The following TTN variants were observed in gnomAD, a reference collection of about 807,000 sequenced individuals.
TTN encodes the protein titin, also known as connectin.
TTN carries 1,525 observed loss-of-function variants against 3,223.0 expected under a neutral mutation model. The ratio of observed to expected loss-of-function variants is 0.47; its 90% CI spans 0.45 to 0.49. TTN has a LOEUF of 0.49. Ranked by LOEUF, TTN falls within the 20% of genes least tolerant of loss-of-function variation. The pLI, the probability that TTN is intolerant of heterozygous loss-of-function variation, is 0.00. For missense variants in TTN, 40,786 were observed against 43,424.0 expected (o/e 0.94, Z 5.40); for synonymous variants, 14,094 against 15,161.0 (o/e 0.93, Z 5.17).
At position 178,777,487 on chromosome 2, in the gene TTN, C is replaced by G; in HGVS notation, c.4578G>C (p.Gly1526=). The change falls in exon 26 of 363, where the codon GGG becomes GGC. Residue 1526 remains glycine, a synonymous_variant. Transcript: ENST00000589042. The part of the protein sequence containing the change: ...IIVPATPSDS[G]EWTVVAQNRA... ...TGTTTTGGGCAACCACAGTCCATTC[C>G]CCAGAATCACTGGGTGTGGCAGGGA... 2 of 1,613,898 alleles carry G rather than the reference C, an allele frequency of 1.2e-6. No homozygotes were observed. The highest frequency in any genetic ancestry group is 1.7e-6 in the Non-Finnish European group (2 of 1,179,942).
chr2:178,690,446 T>C (rs2072094766), intron 121 of TTN, among the ~76,000 whole-genome samples: 1 of 152,136 alleles, frequency 6.6e-6, no homozygotes, highest in Non-Finnish European at 1.5e-5. Flanking sequence ...CTGATACCCA[T>C]GTGTTAATGA....
chr2:178,629,199 G>A, intron 240 of TTN, 102 bp downstream of exon 240: 1 of 1,429,380 alleles, frequency 7.0e-7, no homozygotes, highest in Non-Finnish European at 9.3e-7. Flanking sequence ...GGCAAAGACA[G>A]AGGAAGAGAC....
Position 178,584,255 on chromosome 2 carries a change from T to C in TTN, c.65275+21A>G, listed in dbSNP as rs1017490493. ...CATAATACTAAAACAACAACAACAA[T>C]AAAAAAACCCCAAAACTTACCAACT... On this transcript the variant is annotated intron_variant, in intron 311 of 362. Transcript: ENST00000589042. 3.9e-6 allele frequency: 6 copies of C among 1,523,390 alleles called. No individual in the cohort carries two copies. The South Asian group carries it at 4.0e-5, about 10-fold the overall frequency. The allele number at this position is 1,523,390 out of a possible 1,614,324, so 94.4% of individuals were successfully genotyped here. A position where few individuals can be genotyped will look rare whatever the true frequency, so the allele number is the denominator to read the frequency against.
intron 236 of TTN, 58 bp downstream of exon 236, chr2:178,632,089 A>G (rs758416399): frequency 1.4e-6 from 2 of 1,479,254 alleles, no homozygotes; most frequent in Non-Finnish European, 1.8e-6. Flanking sequence ...TAGAATAGAT[A>G]CTCCACAAAT....
rs1376285416 is a variant in TTN, at chr2:178,719,946, A to C, written c.23659+37T>G. ...TGAGGAAAATGATCATGGATCAAGT[A>C]AATTGATTTTTTCTCTGGCTGTGCT... On this transcript the variant is annotated intron_variant, in intron 81 of 362. Coordinates refer to ENST00000589042, the MANE Select transcript of TTN (RefSeq NM_001267550.2). 10 of 1,552,946 alleles carry C rather than the reference A, an allele frequency of 6.4e-6. No individual in the cohort carries two copies. The East Asian group carries it at 2.3e-4, about 35-fold the overall frequency.
chr2:178,719,685 T>G lies in TTN; in HGVS notation c.23807A>C (p.His7936Pro). The G allele has an allele frequency of 6.2e-7, 1 of 1,613,746 alleles. No homozygotes were observed. Among genetic ancestry groups the G allele is most frequent in the Non-Finnish European group, 8.5e-7 (1 of 1,179,732 alleles). Residue 7936 changes from histidine to proline, a missense_variant, in exon 82 of 363, where the codon CAC becomes CCC. His to Pro is a moderately conservative substitution (Grantham distance 77). Coordinates refer to ENST00000589042, the MANE Select transcript of TTN (RefSeq NM_001267550.2). ...GRELSADSKH[H>P]ITFINKVASL... Reference sequence around the variant, plus strand: ...AGCCACTTTATTGATGAATGTAATGTGATGTTTGCTGTCTGCAGACAATTC... The same window carrying G: ...AGCCACTTTATTGATGAATGTAATGGGATGTTTGCTGTCTGCAGACAATTC...
Position 178,729,827 on chromosome 2 carries a change from G to T in TTN, c.18426C>A (p.Asp6142Glu). Residue 6142 changes from aspartate to glutamate, a missense_variant, in exon 63 of 363, where the codon GAC (aspartate) becomes GAA (glutamate). Asp to Glu is a conservative substitution (Grantham distance 45). Coordinates refer to ENST00000589042, the MANE Select transcript of TTN (RefSeq NM_001267550.2). Reference protein sequence around the residue: ...TPKIRVSWYLDGNEITAIQKH... With the variant: ...TPKIRVSWYLEGNEITAIQKH... The stretch of plus-strand genomic sequence containing the variant: ...TCTGAATGGCTGTTATTTCATTCCC[G>T]TCTAGATACCAAGACACTCGGATTT... 5 of 1,613,628 alleles carry T rather than the reference G, an allele frequency of 3.1e-6. No homozygotes were observed. The highest frequency in any genetic ancestry group is 4.2e-6 in the Non-Finnish European group (5 of 1,179,728).
rs371475349 is a variant in TTN, at chr2:178,777,999, C to T, written c.4209-24G>A. ...ATCTGCAAAACAAAGACACACAATA[C>T]TTTCGTGAGGCATAAAGAAAACTCA... On this transcript the variant is annotated intron_variant, in intron 24 of 362. Transcript: ENST00000589042. 3.6e-5 allele frequency: 58 copies of T among 1,610,482 alleles called. No individual in the cohort carries two copies. The East Asian group carries it at 8.7e-4, about 24-fold the overall frequency.
rs1031196954 is a variant in TTN at position 178,764,765 on chromosome 2, C to T, written c.9750G>A (p.Val3250=). 3 of 1,613,736 alleles carry T rather than the reference C, an allele frequency of 1.9e-6. No individual in the cohort carries two copies. In the African/African-American group the frequency reaches 4.0e-5, roughly 22 times the overall value. The change falls in exon 42 of 363, where the codon GTG becomes GTA. Residue 3250 remains valine (V), a synonymous_variant. Transcript: ENST00000589042. The stretch of plus-strand genomic sequence containing the variant: ...AGAAGCGGGCAGGCTTGCCAGACTG[C>T]ACAGTGACAGGCTGGAGCTCCTGCA... ...QVLQELQPVT[V]QSGKPARFCA... is the part of the protein sequence containing the mutation.
intron 250 of TTN, 181 bp from the exon 251 acceptor site, chr2:178,619,034 T>C: frequency 1.2e-6 from 1 of 800,004 alleles, no homozygotes. Context: ...TTGTTGTGCG[T>C]GCAAATTAGA....
rs1227757855 is a variant in TTN at position 178,581,981 on chromosome 2, C to T, written c.66388G>A (p.Val22130Ile). The T allele has an allele frequency of 1.2e-6, 2 of 1,613,314 alleles. No individual in the cohort carries two copies. The highest frequency in any genetic ancestry group is 1.3e-5 in the African/African-American group (1 of 74,994). The change falls in exon 315 of 363, where the codon GTT becomes ATT. Residue 22130 changes from valine (V) to isoleucine (I), a missense_variant. By Grantham distance (29) the Val-to-Ile change is conservative. Coordinates refer to ENST00000589042, the MANE Select transcript of TTN (RefSeq NM_001267550.2). ...LQEGTEYEFR[V>I]TAINKAGPGK... ...GGTCCAGCTTTATTTATAGCTGTAA[C>T]ACGGAACTCATATTCGGTACCTTCT... is the stretch of plus-strand genomic sequence containing the variant.
In TTN at chr2:178,597,782, A is replaced by G. The variant is rs876658069; in HGVS notation, c.57300T>C (p.Asp19100=). Residue 19100 remains aspartate, a synonymous_variant, in exon 294 of 363, where the codon GAT becomes GAC. Transcript: ENST00000589042. The part of the protein sequence containing the change: ...PDLQLDASVR[D]RIVVHAGGVI... The stretch of plus-strand genomic sequence containing the variant: ...CCCCTCCAGCATGGACAACAATTCT[A>G]TCTCTGACACTGGCATCTAGCTGAA... The G allele has an allele frequency of 5.6e-6, 9 of 1,613,260 alleles. No homozygotes were observed. The highest frequency in any genetic ancestry group is 1.1e-5 in the South Asian group (1 of 91,066).
At position 178,590,406 on chromosome 2, in the gene TTN, C is replaced by T. The variant is rs770189012; in HGVS notation, c.61319G>A (p.Gly20440Glu). The T allele has an allele frequency of 3.5e-5, 56 of 1,607,510 alleles. No homozygotes were observed. The highest frequency in any genetic ancestry group is 4.2e-5 in the Non-Finnish European group (50 of 1,177,418). Reference sequence around the variant, plus strand: ...CTTTATACGGAATCTGTACTCATTTCCTTCAATTAGTCCAGGTACCCTAAA... The same window carrying T: ...CTTTATACGGAATCTGTACTCATTTTCTTCAATTAGTCCAGGTACCCTAAA... ...CAFRVPGLIEGNEYRFRIKAA... is the reference protein window; with the variant it reads ...CAFRVPGLIEENEYRFRIKAA... Residue 20440 changes from glycine (G) to glutamate (E), a missense_variant, in exon 304 of 363, where the codon GGA becomes GAA. By Grantham distance (98) the Gly-to-Glu change is moderately conservative (BLOSUM62 -2). Transcript: ENST00000589042.
In TTN at chr2:178,563,446, G is replaced by T. The variant is rs1361088942; in HGVS notation, c.82686C>A (p.Tyr27562Ter). 1.2e-6 allele frequency: 2 copies of T among 1,613,436 alleles called. No individual in the cohort carries two copies. The highest frequency in any genetic ancestry group is 1.7e-6 in the Non-Finnish European group (2 of 1,179,728). Residue 27562 changes from tyrosine to a stop codon, truncating the protein, a stop_gained, in exon 326 of 363, where the codon TAC becomes TAA. Transcript: ENST00000589042. LOFTEE classifies it high-confidence loss of function. This position sits in a 1 kb window ranked among gnomAD's most constrained non-coding sequence, Gnocchi z 4.5. ...GTGGATACAAGGCATCACACGCACG[G>T]TAGAAAACAGATGGCTCACTAGGTT... ...VGEPSEPSVFYRACDALYPPG... is the reference protein window; with the variant it reads ...VGEPSEPSVF
rs763746509 is a variant in TTN, at chr2:178,563,878, G to T, written c.82254C>A (p.Thr27418=). Residue 27418 remains threonine, a synonymous_variant, in exon 326 of 363, where the codon ACC becomes ACA. Coordinates refer to ENST00000589042, the MANE Select transcript of TTN (RefSeq NM_001267550.2). The surrounding 1 kb of genome is among the most constrained non-coding windows in gnomAD (Gnocchi z 4.5). ...EKRETSRLSW[T]QVSTEVQALN... Reference sequence around the variant, plus strand: ...GGGCCTGTACCTCAGTTGAAACCTGGGTCCAAGAGAGTCGGCTTGTCTCCC... The same window carrying T: ...GGGCCTGTACCTCAGTTGAAACCTGTGTCCAAGAGAGTCGGCTTGTCTCCC... 6.2e-7 allele frequency: 1 copy of T among 1,613,670 alleles called. No homozygotes were observed. Among genetic ancestry groups the T allele is most frequent in the Non-Finnish European group, 8.5e-7 (1 of 1,179,722 alleles).
chr2:178,609,187 A>C (rs773053058), intron 273 of TTN, 21 bp downstream of exon 273: 11 of 1,477,710 alleles, frequency 7.4e-6, no homozygotes, highest in Non-Finnish European at 9.8e-6. Context: ...TCCATTGGAA[A>C]GTGTAGTTTT....
Position 178,569,970 on chromosome 2 carries a change from T to G in TTN, c.76162A>C (p.Ser25388Arg). 1 of 1,612,184 alleles carries G rather than the reference T, an allele frequency of 6.2e-7. No homozygotes were observed. The stretch of plus-strand genomic sequence containing the variant: ...TAAGCAGAAGGAGGGCTTGGTTCAC[T>G]AAGTCCAGCAGCATTCTCAGCAGAA... ...RVSAENAAGL[S>R]EPSPPSAYQK... The change falls in exon 326 of 363, where the codon AGT (serine) becomes CGT (arginine). Residue 25388 changes from serine to arginine, a missense_variant. Transcript: ENST00000589042.
At position 178,704,362 on chromosome 2, in the gene TTN, CCTT is replaced by C. The variant is rs1271324271; in HGVS notation, c.30005_30007del (p.Glu10002del). ...TTGGCATGTCATGGTGCAAGTCTGGCCTTCTTTCAGAGTCACATCCTGAAGATG... is the reference window on the plus strand; with the variant it reads ...TTGGCATGTCATGGTGCAAGTCTGGCCTTTCAGAGTCACATCCTGAAGATG... On this transcript the variant is annotated inframe_deletion, in exon 106 of 363. Transcript: ENST00000589042. 1 of 1,613,968 alleles carries C rather than the reference CCTT, an allele frequency of 6.2e-7. No individual in the cohort carries two copies. The highest frequency in any genetic ancestry group is 8.5e-7 in the Non-Finnish European group (1 of 1,179,824).
rs886055237 is a variant in TTN, at chr2:178,562,716, G to A, written c.83416C>T (p.Arg27806Ter). ...AKITNYIVEK[R>*]ETTRKAYATI... is the part of the protein sequence containing the mutation. The stretch of plus-strand genomic sequence containing the variant: ...GCATAGGCTTTTCTTGTAGTTTCTC[G>A]TTTTTCGACAATGTAGTTTGTAATC... The change falls in exon 326 of 363, where the codon CGA (arginine) becomes TGA (stop). Residue 27806 changes from arginine (R) to a stop codon, truncating the protein, a stop_gained. Transcript: ENST00000589042. LOFTEE classifies it high-confidence loss of function. 20 of 1,597,868 alleles carry A rather than the reference G, an allele frequency of 1.3e-5. No individual in the cohort carries two copies. The highest frequency in any genetic ancestry group is 2.2e-5 in the East Asian group (1 of 44,662).
Sources: allele counts gnomAD v4.1 joint callset (sites outside exome capture counted in the v4.1 genomes callset), GRCh38; gene constraint gnomAD v4.1.1; non-coding constraint Gnocchi (gnomAD v3.1); transcripts MANE v1.5; gene names NCBI Gene and HGNC (gene_info 2026-07-23, HGNC 2026-07-21).